The following FAM120B variants were observed in gnomAD, a reference collection of about 807,000 sequenced individuals.
The protein encoded by FAM120B is family with sequence similarity 120 member B.
A neutral mutation model predicts 96.3 loss-of-function variants in FAM120B; 83 were observed. That is an observed-to-expected ratio of 0.86 (90% CI 0.72 to 1.03). The LOEUF (loss-of-function observed/expected upper bound fraction) is 1.03, where lower values mean the gene tolerates loss of function less well. FAM120B is among the 50% of genes least tolerant of loss of function. The pLI is 0.00. For synonymous variants in FAM120B, 407 were observed against 402.7 expected, an observed-to-expected ratio of 1.01 and a Z score of -0.13; for missense variants, 1,027 against 1,121.2, an observed-to-expected ratio of 0.92 and a Z score of 1.20.
In FAM120B at chr6:170,318,094, CAG is replaced by C. The variant is rs1169090799; in HGVS notation, c.707_708del (p.Glu236GlyfsTer4). On this transcript the variant is annotated frameshift_variant, in exon 2 of 11. Coordinates refer to ENST00000476287, the MANE Select transcript of FAM120B (RefSeq NM_032448.3). LOFTEE classifies it high-confidence loss of function. ...TGCCTCCTTGGCAACGACATAATCC[CAG>C]AGGGCATGTTTGAAAGCTTTAGGTA... is the stretch of plus-strand genomic sequence containing the variant. 6.2e-7 allele frequency: 1 copy of C among 1,614,106 alleles called. No individual in the cohort carries two copies. Among genetic ancestry groups the C allele is most frequent in the African/African-American group, 1.3e-5 (1 of 74,938 alleles).
chr6:170,340,594 A>T (rs1414559715), intron 4 of FAM120B, among the ~76,000 whole-genome samples: 1 of 152,068 alleles, frequency 6.6e-6, no homozygotes, highest in African/African-American at 2.4e-5. Context: ...AATTTTCAGC[A>T]TTTTTGCGCT....
At chr6:170,306,520 A>AGC (rs1314334994), upstream of FAM120B, 1 of 152,276 alleles carries the variant, frequency 6.6e-6, no homozygotes, top group Non-Finnish European at 1.5e-5. Flanking sequence ...GCCAGCGGGC[A>AGC]GCTACCTGAC....
intron 6 of FAM120B, among the ~76,000 whole-genome samples, chr6:170,360,212 T>C (rs966103838): frequency 2.0e-5 from 3 of 152,186 alleles, no homozygotes; most frequent in Admixed American, 6.5e-5. Context: ...TCACCAGCTA[T>C]GGGGTCTTGA....
At chr6:170,388,894 G>A (rs1382554865) in intron 7 of FAM120B, among the ~76,000 whole-genome samples, 1 of 152,100 alleles carries the variant, frequency 6.6e-6, no homozygotes, top group East Asian at 1.9e-4. Context: ...AATAACATAA[G>A]CCGTCAATTA....
intron 5 of FAM120B, among the ~76,000 whole-genome samples, chr6:170,348,881 G>T (rs867584378): frequency 6.6e-6 from 1 of 152,174 alleles, no homozygotes; most frequent in Non-Finnish European, 1.5e-5. Flanking sequence ...GATTTCAGGT[G>T]TCATAACCTT....
rs1489079886 is a variant in FAM120B, at chr6:170,386,885, A to G, written c.2284-1402A>G. Among the ~76,000 whole-genome samples, 4 of 152,264 alleles carry G rather than the reference A, an allele frequency of 2.6e-5. No individual in the cohort carries two copies. In the South Asian group the frequency reaches 6.2e-4, roughly 24 times the overall value. On this transcript the variant is annotated intron_variant, in intron 6 of 10. Coordinates refer to ENST00000476287, the MANE Select transcript of FAM120B (RefSeq NM_032448.3). The stretch of plus-strand genomic sequence containing the variant: ...TCAAATCCAGCAATATGTAAAACCA[A>G]TAATACATGATGACCAAGTTGGGTT...
Position 170,317,842 on chromosome 6 carries a change from A to G in FAM120B, c.452A>G (p.Glu151Gly), listed in dbSNP as rs758222570. ...TTTGCTCTAAAGACACTGGGCCAGG[A>G]AACTTTGTGTTCTTTGCAGGAAGCA... Reference protein sequence around the residue: ...TRFALKTLGQETLCSLQEADY... With the variant: ...TRFALKTLGQGTLCSLQEADY... The change falls in exon 2 of 11, where the codon GAA becomes GGA. Residue 151 changes from glutamate to glycine, a missense_variant. Around this residue, in one of 3 missense-constraint regions of FAM120B, gnomAD observed 880 missense variants for 980.9 expected, o/e 0.90. Coordinates refer to ENST00000476287, the MANE Select transcript of FAM120B (RefSeq NM_032448.3). 1.2e-6 allele frequency: 2 copies of G among 1,614,206 alleles called. 1 individual carries two copies. Among genetic ancestry groups the G allele is most frequent in the South Asian group, 2.2e-5 (2 of 91,086 alleles).
At chr6:170,322,259 C>T (rs780162719) in intron 2 of FAM120B, among the ~76,000 whole-genome samples, 35 of 152,306 alleles carry the variant, frequency 2.3e-4, no homozygotes, top group African/African-American at 3.4e-4. Flanking sequence ...GAATATAGTA[C>T]GGCTTCTAAC....
intron 6 of FAM120B, among the ~76,000 whole-genome samples, chr6:170,379,325 T>C (rs992522404): frequency 1.3e-5 from 2 of 152,204 alleles, no homozygotes; most frequent in Non-Finnish European, 2.9e-5. Flanking sequence ...GTTGGAGAAG[T>C]CCTCATATAT....
At chr6:170,399,690 A>G (rs1469974159) in intron 9 of FAM120B, among the ~76,000 whole-genome samples, 2 of 144,968 alleles carry the variant, frequency 1.4e-5, no homozygotes, top group Admixed American at 1.4e-4. Flanking sequence ...AGGTAGAACT[A>G]TGTCATAACT....
upstream of FAM120B, among the ~76,000 whole-genome samples, chr6:170,305,608 G>A (rs1458422606): frequency 6.6e-6 from 1 of 152,230 alleles, no homozygotes; most frequent in South Asian, 2.1e-4. Flanking sequence ...CTGCCTTGCT[G>A]AGACATACTG....
At chr6:170,382,039 CAT>C (rs925441206) in intron 6 of FAM120B, among the ~76,000 whole-genome samples, 1 of 152,004 alleles carries the variant, frequency 6.6e-6, no homozygotes, top group Non-Finnish European at 1.5e-5. Flanking sequence ...AAATAAAAAG[CAT>C]GCAGACAAAA....
At position 170,318,503 on chromosome 6, in the gene FAM120B, T is replaced by C; in HGVS notation, c.1113T>C (p.Ser371=). ...SRREVPVYTD[S]EPRQEVPMCS... is the part of the protein sequence containing the mutation. ...GAGAAGTTCCCGTGTATACAGATTCTGAACCCAGGCAAGAAGTTCCCATGT... is the reference window on the plus strand; with the variant it reads ...GAGAAGTTCCCGTGTATACAGATTCCGAACCCAGGCAAGAAGTTCCCATGT... The change falls in exon 2 of 11, where the codon TCT becomes TCC. Residue 371 remains serine, a synonymous_variant. Coordinates refer to ENST00000476287, the MANE Select transcript of FAM120B (RefSeq NM_032448.3). 1 of 1,582,736 alleles carries C rather than the reference T, an allele frequency of 6.3e-7. No individual in the cohort carries two copies. The highest frequency in any genetic ancestry group is 8.6e-7 in the Non-Finnish European group (1 of 1,162,130).
At chr6:170,335,687 C>T (rs919752672) in intron 4 of FAM120B, among the ~76,000 whole-genome samples, 1 of 152,198 alleles carries the variant, frequency 6.6e-6, no homozygotes, top group African/African-American at 2.4e-5. Flanking sequence ...TAAAAGCATT[C>T]CTATTTCACC....
Position 170,318,216 on chromosome 6 carries a change from T to C in FAM120B, c.826T>C (p.Tyr276His), listed in dbSNP as rs199584738. ...GTCAGACCATATATCGAAAGTTCTT[T>C]ACTTGTATCAAGGTGAGAAAAAATT... ...AVSDHISKVL[Y>H]LYQGEKKLEE... The change falls in exon 2 of 11, where the codon TAC becomes CAC. Residue 276 changes from tyrosine to histidine, a missense_variant. Around this residue, in one of 3 missense-constraint regions of FAM120B, gnomAD observed 880 missense variants for 980.9 expected, o/e 0.90. Coordinates refer to ENST00000476287, the MANE Select transcript of FAM120B (RefSeq NM_032448.3). The C allele has an allele frequency of 6.2e-7, 1 of 1,613,842 alleles. No individual in the cohort carries two copies. Among genetic ancestry groups the C allele is most frequent in the East Asian group, 2.2e-5 (1 of 44,892 alleles).
At chr6:170,303,892 T>C (rs1293518117), upstream of FAM120B, among the ~76,000 whole-genome samples, 2 of 152,222 alleles carry the variant, frequency 1.3e-5, no homozygotes, top group Non-Finnish European at 2.9e-5. Context: ...CTATTACTTA[T>C]CATCATCAAA....
chr6:170,312,120 C>CA (rs1207328323), intron 1 of FAM120B, among the ~76,000 whole-genome samples: 1 of 152,092 alleles, frequency 6.6e-6, no homozygotes, highest in Non-Finnish European at 1.5e-5. Flanking sequence ...AAATTAGACA[C>CA]AAACAGATTA....
In FAM120B at chr6:170,361,206, A is replaced by ATATATG. The variant is rs1263102261; in HGVS notation, c.2283+2893_2283+2894insGTATAT. ...ACTATATATATATACGTGTATATAT[A>ATATATG]TATATATATATATATATATATATAT... On this transcript the variant is annotated intron_variant, in intron 6 of 10. Transcript: ENST00000476287. Among the ~76,000 whole-genome samples the ATATATG allele has an allele frequency of 1.2e-3, 97 of 81,100 alleles. 1 individual carries two copies. The highest frequency in any genetic ancestry group is 4.2e-3 in the African/African-American group (92 of 21,682). The allele number at this position is 81,100 out of a possible 152,430, so 53.2% of individuals were successfully genotyped here.
chr6:170,344,982 C>G (rs144544626), intron 4 of FAM120B, among the ~76,000 whole-genome samples: 133 of 152,318 alleles, frequency 8.7e-4, no homozygotes, highest in African/African-American at 3.0e-3. Context: ...CTCTGCCCTA[C>G]GCTTTGTAGT....
Sources: allele counts gnomAD v4.1 joint callset (sites outside exome capture counted in the v4.1 genomes callset), GRCh38; gene constraint gnomAD v4.1.1; regional missense constraint gnomAD v4.1.1; transcripts MANE v1.5; gene names NCBI Gene and HGNC (gene_info 2026-07-23, HGNC 2026-07-21).